The following ANTXR2 variants were observed in gnomAD, a reference collection of about 807,000 sequenced individuals.
ANTXR2 encodes the protein ANTXR cell adhesion molecule 2.
Under a neutral mutation model 73.7 loss-of-function variants are expected in ANTXR2, and 44 were observed. That is an observed-to-expected ratio of 0.60 (90% CI 0.47 to 0.77). The LOEUF is 0.77. ANTXR2 is among the 30% of genes least tolerant of loss of function. ANTXR2 has a pLI of 0.00. For missense variants in ANTXR2, 604 were observed against 592.5 expected, an observed-to-expected ratio of 1.02 and a Z score of -0.20; for synonymous variants, 217 against 205.9, an observed-to-expected ratio of 1.05 and a Z score of -0.46.
chr4:79,993,752 A>ACACACGCG (rs1489673768), intron 12 of ANTXR2, among the ~76,000 whole-genome samples: 1 of 111,742 alleles, frequency 8.9e-6, no homozygotes. Flanking sequence ...CACCACACAC[A>ACACACGCG]CACACACGCA....
chr4:80,055,371 C>A lies in ANTXR2; in HGVS notation c.475G>T (p.Ala159Ser). Residue 159 changes from alanine (A) to serine (S), a missense_variant, in exon 5 of 17, where the codon GCA (alanine) becomes TCA (serine). Ala to Ser is a moderately conservative substitution (Grantham distance 99). Coordinates refer to ENST00000403729, the MANE Select transcript of ANTXR2 (RefSeq NM_058172.6). ...GKLDGLVPSYAEKEAKISRSL... is the reference protein window; with the variant it reads ...GKLDGLVPSYSEKEAKISRSL... ...AGTTCAATACTCACCTCTTTCTCTG[C>A]ATATGATGGCACCAGACCGTCCAAC... The A allele has an allele frequency of 6.2e-7, 1 of 1,610,356 alleles. No homozygotes were observed. The highest frequency in any genetic ancestry group is 8.5e-7 in the Non-Finnish European group (1 of 1,177,778).
chr4:79,981,438 T>G (rs1729885928), intron 14 of ANTXR2, among the ~76,000 whole-genome samples: 1 of 152,206 alleles, frequency 6.6e-6, no homozygotes. Context: ...TACGTTTGTG[T>G]ATTTATGGTA....
intron 11 of ANTXR2, 97 bp downstream of exon 11, chr4:80,018,801 C>G: frequency 1.0e-6 from 1 of 978,146 alleles, no homozygotes; most frequent in Non-Finnish European, 1.5e-6. Context: ...TTGTTTGCAT[C>G]TCCTTTATTG....
chr4:79,980,971 A>C (rs1729865881), intron 14 of ANTXR2, among the ~76,000 whole-genome samples: 1 of 151,044 alleles, frequency 6.6e-6, no homozygotes, highest in Non-Finnish European at 1.5e-5. Context: ...TTGAATAAGC[A>C]TGCTTTTAAA....
At chr4:79,954,638 T>C (rs1195354145) in intron 16 of ANTXR2, among the ~76,000 whole-genome samples, 1 of 152,144 alleles carries the variant, frequency 6.6e-6, no homozygotes, top group Non-Finnish European at 1.5e-5. Context: ...GTGATTGAAA[T>C]AATATTAATT....
Position 79,978,089 on chromosome 4 carries a change from G to A in ANTXR2, c.1265C>T (p.Thr422Ile), listed in dbSNP as rs142814802. The change falls in exon 15 of 17, where the codon ACA becomes ATA. Residue 422 changes from threonine to isoleucine, a missense_variant. Physicochemically the swap from Thr to Ile is moderately conservative, Grantham distance 89 (BLOSUM62 -1). Coordinates refer to ENST00000403729, the MANE Select transcript of ANTXR2 (RefSeq NM_058172.6). Reference sequence around the variant, plus strand: ...TGGTCTAGGCCTGATGGGTTCCTCTGTTTCTTCAGGAATCTTCACCACAGC... The same window carrying A: ...TGGTCTAGGCCTGATGGGTTCCTCTATTTCTTCAGGAATCTTCACCACAGC... Reference protein sequence around the residue: ...KNAVVKIPEETEEPIRPRPPR... With the variant: ...KNAVVKIPEEIEEPIRPRPPR... 9 of 1,613,728 alleles carry A rather than the reference G, an allele frequency of 5.6e-6. 1 individual carries two copies. Among genetic ancestry groups the A allele is most frequent in the Middle Eastern group, 1.6e-4 (1 of 6,082 alleles).
At position 80,033,573 on chromosome 4, in the gene ANTXR2, A is replaced by G. The variant is rs975596170; in HGVS notation, c.698-3T>C. 3 of 1,570,882 alleles carry G rather than the reference A, an allele frequency of 1.9e-6. No individual in the cohort carries two copies. The highest frequency in any genetic ancestry group is 2.6e-6 in the Non-Finnish European group (3 of 1,164,994). On this transcript the variant is annotated splice_polypyrimidine_tract_variant and splice_region_variant and intron_variant, in intron 8 of 16. Transcript: ENST00000403729. ...ACTTAAGACAATCTGAAATTCCTCT[A>G]GAAGTAAAAGGAAAAATAAACATTT...
chr4:79,963,280 G>A (rs182509847), intron 16 of ANTXR2, among the ~76,000 whole-genome samples: 40 of 152,238 alleles, frequency 2.6e-4, no homozygotes, highest in Non-Finnish European at 4.9e-4. Context: ...ACAAGAGGTA[G>A]AGCCCAAAGC....
chr4:79,921,807 G>T (rs28675714), intron 16 of ANTXR2, among the ~76,000 whole-genome samples: 11 of 151,654 alleles, frequency 7.3e-5, no homozygotes, highest in Non-Finnish European at 1.2e-4. Flanking sequence ...TGAACACATT[G>T]CACATATTTA....
chr4:79,936,056 G>C (rs892326643), intron 16 of ANTXR2, among the ~76,000 whole-genome samples: 2 of 152,118 alleles, frequency 1.3e-5, no homozygotes, highest in African/African-American at 4.8e-5. Context: ...GAATTAATTA[G>C]GATTTAGCAA....
At chr4:79,997,584 A>G (rs1730789658) in intron 12 of ANTXR2, among the ~76,000 whole-genome samples, 1 of 151,904 alleles carries the variant, frequency 6.6e-6, no homozygotes, top group Non-Finnish European at 1.5e-5. Context: ...TAACTTCAAC[A>G]TCTAGCCTTC....
intron 12 of ANTXR2, among the ~76,000 whole-genome samples, chr4:79,987,562 T>C (rs532561943): frequency 1.3e-5 from 2 of 152,332 alleles, no homozygotes; most frequent in South Asian, 4.1e-4. Context: ...TTTGAGGATA[T>C]TGTCCACACA....
intron 3 of ANTXR2, among the ~76,000 whole-genome samples, chr4:80,068,696 T>C (rs191260323): frequency 1.5e-3 from 224 of 152,196 alleles, no homozygotes; most frequent in Middle Eastern, 0.01. Context: ...TGCTTGAACC[T>C]GGGAGGTGGG....
chr4:79,920,794 A>G (rs1393312355), intron 16 of ANTXR2, among the ~76,000 whole-genome samples: 1 of 152,154 alleles, frequency 6.6e-6, no homozygotes. Context: ...ATCTGGATCC[A>G]TTCTCATCTC....
intron 3 of ANTXR2, among the ~76,000 whole-genome samples, chr4:80,057,689 T>C (rs1317801008): frequency 7.8e-6 from 1 of 128,226 alleles, no homozygotes; most frequent in Non-Finnish European, 1.8e-5. Flanking sequence ...CTCATATTCA[T>C]GTTTTACCAT....
chr4:80,042,946 T>TTC (rs1733341514), intron 7 of ANTXR2, among the ~76,000 whole-genome samples: 1 of 152,022 alleles, frequency 6.6e-6, no homozygotes, highest in Non-Finnish European at 1.5e-5. Context: ...GAAATAAAGG[T>TTC]ATGAACTTCC....
rs1328904893 is a variant in ANTXR2, at chr4:80,033,509, A to C, written c.759T>G (p.Val253=). The part of the protein sequence containing the change: ...GFMLGSRNGS[V]LCTYTVNETY... ...TTTCATTTACAGTGTAAGTGCAGAG[A>C]ACACTGCCATTCCGACTGCCCAGCA... Residue 253 remains valine, a synonymous_variant, in exon 9 of 17, where the codon GTT becomes GTG. Coordinates refer to ENST00000403729, the MANE Select transcript of ANTXR2 (RefSeq NM_058172.6). 28 of 1,601,262 alleles carry C rather than the reference A, an allele frequency of 1.7e-5. No individual in the cohort carries two copies. The highest frequency in any genetic ancestry group is 2.4e-5 in the Non-Finnish European group (28 of 1,175,262).
chr4:79,990,505 A>C (rs1198684382), intron 12 of ANTXR2, among the ~76,000 whole-genome samples: 1 of 152,086 alleles, frequency 6.6e-6, no homozygotes, highest in Non-Finnish European at 1.5e-5. Context: ...ATGAAAAAGC[A>C]TTCTATGCTC....
At chr4:79,980,634 CAA>C (rs35378237) in intron 14 of ANTXR2, among the ~76,000 whole-genome samples, 10,580 of 152,096 alleles carry the variant, frequency 0.07, 448 homozygotes, top group Middle Eastern at 0.11. Context: ...AGAAAAGAAA[CAA>C]AAACAGTTTC....
Sources: gnomAD v4.1 joint callset for allele counts (sites outside exome capture counted in the v4.1 genomes callset) on GRCh38, gnomAD v4.1.1 for gene constraint, MANE v1.5 for transcripts, NCBI Gene and HGNC (gene_info 2026-07-23, HGNC 2026-07-21) for gene names.